Variants in ZDHHC17 observed in about 807,000 individuals in gnomAD.
ZDHHC17 encodes zDHHC palmitoyltransferase 17.
A neutral mutation model predicts 90.3 loss-of-function variants in ZDHHC17; 40 were observed. That is an observed-to-expected ratio of 0.44 (90% CI 0.34 to 0.58). The LOEUF is 0.58. Among genes scored for constraint, ZDHHC17 ranks in the 20% least tolerant of loss-of-function variants. ZDHHC17 has a pLI of 0.01. For missense variants in ZDHHC17, 614 were observed against 780.8 expected, an observed-to-expected ratio of 0.79 and a Z score of 2.55; for synonymous variants, 235 against 252.4, an observed-to-expected ratio of 0.93 and a Z score of 0.65.
chr12:76,789,184 C>A (rs907008840), intron 1 of ZDHHC17, among the ~76,000 whole-genome samples: 1 of 152,070 alleles, frequency 6.6e-6, no homozygotes, highest in African/African-American at 2.4e-5. Context: ...GAGTTTACCC[C>A]AGTTAAAATG....
chr12:76,766,922 G>C (rs1006373096), intron 1 of ZDHHC17, among the ~76,000 whole-genome samples: 1 of 151,910 alleles, frequency 6.6e-6, no homozygotes, highest in Non-Finnish European at 1.5e-5. Context: ...CGGATGCTGA[G>C]GTGGGAGGAT....
intron 4 of ZDHHC17, 32 bp downstream of exon 4, chr12:76,809,152 G>A: frequency 1.4e-6 from 2 of 1,478,776 alleles, no homozygotes; most frequent in Non-Finnish European, 1.8e-6. Context: ...TTTTTCCTTT[G>A]GTTCCTTTAT....
At chr12:76,784,520 C>T (rs942541791) in intron 1 of ZDHHC17, among the ~76,000 whole-genome samples, 1 of 152,112 alleles carries the variant, frequency 6.6e-6, no homozygotes. Flanking sequence ...AGAAGACCAT[C>T]GACATCAATT....
intron 5 of ZDHHC17, 48 bp downstream of exon 5, chr12:76,809,905 G>C: frequency 1.3e-6 from 2 of 1,566,894 alleles, no homozygotes; most frequent in Non-Finnish European, 1.7e-6. Context: ...GTTCTTCATA[G>C]TTTAAATGCC....
At chr12:76,843,031 G>A (rs1953453613) in intron 12 of ZDHHC17, 50 bp downstream of exon 12, 1 of 1,470,252 alleles carries the variant, frequency 6.8e-7, no homozygotes, top group African/African-American at 1.4e-5. Flanking sequence ...TCCTGACAGT[G>A]GCATAGCATA....
chr12:76,795,156 A>G (rs1010157784), intron 1 of ZDHHC17, among the ~76,000 whole-genome samples: 4 of 152,128 alleles, frequency 2.6e-5, no homozygotes, highest in African/African-American at 7.2e-5. Context: ...GCCTGAAGCA[A>G]AAGGAAGAGT....
chr12:76,770,208 A>G (rs1401222452), intron 1 of ZDHHC17, among the ~76,000 whole-genome samples: 1 of 152,226 alleles, frequency 6.6e-6, no homozygotes, highest in African/African-American at 2.4e-5. Flanking sequence ...GTTGGCTATT[A>G]ATATTGTGGT....
chr12:76,850,349 T>A (rs1253606996), intron 16 of ZDHHC17, among the ~76,000 whole-genome samples: 1 of 152,212 alleles, frequency 6.6e-6, no homozygotes, highest in Admixed American at 6.5e-5. Context: ...ATAATTATTT[T>A]GTCTTTTACT....
At chr12:76,823,982 A>G (rs1953197590) in intron 8 of ZDHHC17, among the ~76,000 whole-genome samples, 1 of 152,158 alleles carries the variant, frequency 6.6e-6, no homozygotes, top group South Asian at 2.1e-4. Flanking sequence ...CTGTCTTATG[A>G]TAATTAGGCT....
chr12:76,827,129 T>C (rs1327517191), intron 9 of ZDHHC17, 79 bp downstream of exon 9: 3 of 1,392,458 alleles, frequency 2.2e-6, no homozygotes, highest in Non-Finnish European at 2.8e-6. Context: ...AATTAATGTT[T>C]GTATGTTGTA....
intron 1 of ZDHHC17, among the ~76,000 whole-genome samples, chr12:76,777,373 C>G (rs1417731790): frequency 1.3e-5 from 2 of 152,164 alleles, no homozygotes; most frequent in African/African-American, 2.4e-5. Flanking sequence ...TACCTTGTTC[C>G]TTTTTGTTAC....
intron 1 of ZDHHC17, among the ~76,000 whole-genome samples, chr12:76,789,629 T>C (rs914191863): frequency 5.9e-5 from 9 of 151,994 alleles, no homozygotes; most frequent in Non-Finnish European, 8.8e-5. Context: ...AGGGTGTGAG[T>C]ACTATGATTA....
At chr12:76,834,117 G>A (rs1410225402) in intron 10 of ZDHHC17, among the ~76,000 whole-genome samples, 2 of 152,134 alleles carry the variant, frequency 1.3e-5, no homozygotes, top group South Asian at 2.1e-4. Flanking sequence ...AAAAGAGCTG[G>A]AAGTGAATAT....
intron 12 of ZDHHC17, chr12:76,845,058 C>G (rs555869766): frequency 6.9e-6 from 1 of 145,846 alleles, no homozygotes; most frequent in South Asian, 2.2e-4. Context: ...TTTTTTTTTG[C>G]AAGAAATAGT....
At chr12:76,802,379 C>CTT (rs1952901927) in intron 2 of ZDHHC17, among the ~76,000 whole-genome samples, 1 of 152,186 alleles carries the variant, frequency 6.6e-6, no homozygotes, top group Non-Finnish European at 1.5e-5. Context: ...AAGGTTCTCT[C>CTT]TGTCTTTGTC....
chr12:76,781,774 A>G, intron 1 of ZDHHC17: 1 of 434,922 alleles, frequency 2.3e-6, no homozygotes, highest in Non-Finnish European at 4.6e-6. Context: ...AGGAGAATAT[A>G]TCTGGCTTAT....
At chr12:76,833,012 A>G (rs1953323205) in intron 10 of ZDHHC17, among the ~76,000 whole-genome samples, 1 of 152,176 alleles carries the variant, frequency 6.6e-6, no homozygotes, top group South Asian at 2.1e-4. Flanking sequence ...GATCAACTGT[A>G]TAAACTTTAT....
In ZDHHC17 at chr12:76,805,297, A is replaced by T. The variant is rs576913425; in HGVS notation, c.198-20A>T. The T allele has an allele frequency of 6.4e-7, 1 of 1,569,142 alleles. No homozygotes were observed. The highest frequency in any genetic ancestry group is 8.7e-7 in the Non-Finnish European group (1 of 1,152,680). On this transcript the variant is annotated intron_variant, in intron 2 of 16. Coordinates refer to ENST00000426126, the MANE Select transcript of ZDHHC17 (RefSeq NM_015336.4). ...TTTCTTGTTAAATAATAACAATGCC[A>T]TATTTTCTTTCTTTTCTAGATATGG... is the stretch of plus-strand genomic sequence containing the variant.
chr12:76,777,008 CT>C (rs1324849214), intron 1 of ZDHHC17, among the ~76,000 whole-genome samples: 3 of 152,134 alleles, frequency 2.0e-5, no homozygotes, highest in Admixed American at 1.3e-4. Context: ...CTCATGTATC[CT>C]TTACCTTGAT....
Sources: gnomAD v4.1 joint callset for allele counts (sites outside exome capture counted in the v4.1 genomes callset) on GRCh38, gnomAD v4.1.1 for gene constraint, MANE v1.5 for transcripts, NCBI Gene and HGNC (gene_info 2026-07-23, HGNC 2026-07-21) for gene names.